Variants in MOSMO observed in about 807,000 individuals in gnomAD.
MOSMO encodes modulator of smoothened protein.
In MOSMO, 5 loss-of-function variants were observed where a neutral mutation model predicts 18.4. That is an observed-to-expected ratio of 0.27 (90% CI 0.14 to 0.57). The LOEUF (loss-of-function observed/expected upper bound fraction) is 0.57, where lower values mean the gene tolerates loss of function less well. Among genes scored for constraint, MOSMO ranks in the 20% least tolerant of loss-of-function variants. The pLI, the probability that MOSMO is intolerant of heterozygous loss-of-function variation, is 0.92. For synonymous variants in MOSMO, 82 were observed against 82.3 expected (o/e 1.00, Z 0.02); for missense variants, 138 against 211.8 (o/e 0.65, Z 2.16).
At chr16:22,025,908 T>C (rs1424209175) in intron 1 of MOSMO, among the ~76,000 whole-genome samples, 1 of 152,206 alleles carries the variant, frequency 6.6e-6, no homozygotes, top group Non-Finnish European at 1.5e-5. Flanking sequence ...CTCTCTCTTA[T>C]TAACACCCTC....
At chr16:22,065,740 G>T (rs1900736614) in intron 1 of MOSMO, among the ~76,000 whole-genome samples, 1 of 152,150 alleles carries the variant, frequency 6.6e-6, no homozygotes. Flanking sequence ...CCTAAATGGT[G>T]GTTGTACTAT....
chr16:22,039,993 A>T (rs1422719572), intron 1 of MOSMO, among the ~76,000 whole-genome samples: 1 of 152,218 alleles, frequency 6.6e-6, no homozygotes, highest in African/African-American at 2.4e-5. Flanking sequence ...CAGCACCCAG[A>T]ATGTGCCTAG....
chr16:22,070,223 C>A (rs1900821947), intron 1 of MOSMO, among the ~76,000 whole-genome samples: 1 of 152,066 alleles, frequency 6.6e-6, no homozygotes, highest in Admixed American at 6.6e-5. Flanking sequence ...ATTAGTGAGA[C>A]CTAATTAGTT....
In MOSMO at chr16:22,081,373, T is replaced by C. The variant is rs1434923522; in HGVS notation, c.*493T>C. The C allele has an allele frequency of 6.6e-6, 1 of 151,936 alleles. No homozygotes were observed. The highest frequency in any genetic ancestry group is 1.5e-5 in the Non-Finnish European group (1 of 68,030). 9.4% of individuals were successfully genotyped at this position (151,936 alleles called of 1,614,324 possible). A position where few individuals can be genotyped will look rare whatever the true frequency, so the allele number is the denominator to read the frequency against. On this transcript the variant is annotated 3_prime_UTR_variant, in exon 3 of 3. Transcript: ENST00000542527. ...ATTAGTGTTCACAACTTCCTTGTAA[T>C]AGTATGAGCCTTTGGCACCAGAATG...
chr16:22,059,752 G>A (rs1682996857), intron 1 of MOSMO, among the ~76,000 whole-genome samples: 1 of 152,084 alleles, frequency 6.6e-6, no homozygotes, highest in Non-Finnish European at 1.5e-5. Flanking sequence ...CCTCTACCTG[G>A]TCTCTCTTTC....
chr16:22,017,551 G>A (rs1899665799), intron 1 of MOSMO, among the ~76,000 whole-genome samples: 1 of 152,060 alleles, frequency 6.6e-6, no homozygotes, highest in South Asian at 2.1e-4. Flanking sequence ...CAGATTGAAA[G>A]TAGCAGTTAT....
At chr16:22,041,706 G>A (rs898730696) in intron 1 of MOSMO, among the ~76,000 whole-genome samples, 10 of 150,862 alleles carry the variant, frequency 6.6e-5, no homozygotes, top group African/African-American at 2.0e-4. Context: ...TTGGAGACAC[G>A]GCCTCACTTT....
chr16:22,067,713 C>A (rs1444469476), intron 1 of MOSMO, among the ~76,000 whole-genome samples: 1 of 151,922 alleles, frequency 6.6e-6, no homozygotes, highest in Non-Finnish European at 1.5e-5. Flanking sequence ...AACATCTCTA[C>A]TAAAAATACA....
At chr16:22,077,888 T>C (rs1901001649) in intron 2 of MOSMO, among the ~76,000 whole-genome samples, 1 of 152,114 alleles carries the variant, frequency 6.6e-6, no homozygotes, top group Non-Finnish European at 1.5e-5. Flanking sequence ...GGGTGACAGT[T>C]CTGAGAGGGA....
At chr16:22,009,132 C>T (rs1349977838) in intron 1 of MOSMO, among the ~76,000 whole-genome samples, 1 of 152,164 alleles carries the variant, frequency 6.6e-6, no homozygotes, top group Non-Finnish European at 1.5e-5. Flanking sequence ...TCGGATTTTC[C>T]CTTTGAAGTG....
chr16:22,053,629 C>A (rs1038239711), intron 1 of MOSMO, among the ~76,000 whole-genome samples: 7 of 152,010 alleles, frequency 4.6e-5, no homozygotes, highest in Non-Finnish European at 1.0e-4. Flanking sequence ...ATGGTGAAAC[C>A]CTTTCTCTAC....
At chr16:22,070,981 C>T (rs1900837916) in intron 1 of MOSMO, among the ~76,000 whole-genome samples, 1 of 152,134 alleles carries the variant, frequency 6.6e-6, no homozygotes, top group Non-Finnish European at 1.5e-5. Flanking sequence ...ACATGAAACT[C>T]CGTAATTTCA....
At position 22,029,123 on chromosome 16, in the gene MOSMO, G is replaced by A. The variant is rs145732830; in HGVS notation, c.106+20716G>A. ...CTGACCTCGTTATCTGCCTGCCTCTGCCTCCCAAAGTGCTGAGATTACAGG... is the reference window on the plus strand; with the variant it reads ...CTGACCTCGTTATCTGCCTGCCTCTACCTCCCAAAGTGCTGAGATTACAGG... On this transcript the variant is annotated intron_variant, in intron 1 of 2. Transcript: ENST00000542527. 5.3e-3 allele frequency among the ~76,000 whole-genome samples: 811 copies of A among 152,230 alleles called. 5 individuals carry two copies. The highest frequency in any genetic ancestry group is 0.048 in the Middle Eastern group (14 of 294).
At chr16:22,017,529 G>A (rs1159960774) in intron 1 of MOSMO, among the ~76,000 whole-genome samples, 5 of 152,020 alleles carry the variant, frequency 3.3e-5, no homozygotes, top group Non-Finnish European at 7.4e-5. Context: ...AACCTGATCC[G>A]ATTGATAACA....
chr16:22,076,978 A>G (rs896766858), intron 2 of MOSMO, among the ~76,000 whole-genome samples: 6 of 152,322 alleles, frequency 3.9e-5, no homozygotes, highest in Non-Finnish European at 8.8e-5. Flanking sequence ...TCCTGAGACA[A>G]TTCTTTTCTG....
At chr16:22,022,326 C>T (rs946626741) in intron 1 of MOSMO, among the ~76,000 whole-genome samples, 1 of 152,084 alleles carries the variant, frequency 6.6e-6, no homozygotes, top group Non-Finnish European at 1.5e-5. Context: ...CAGGCCCTGC[C>T]GGTATCACTT....
intron 2 of MOSMO, 26 bp from the exon 3 acceptor site, chr16:22,080,670 A>G (rs1901061327): frequency 7.9e-7 from 1 of 1,261,444 alleles, no homozygotes; most frequent in African/African-American, 1.8e-5. Context: ...CATGTTACTA[A>G]TGTTGTGTTT....
intron 1 of MOSMO, among the ~76,000 whole-genome samples, chr16:22,016,834 A>G (rs1250380154): frequency 1.3e-5 from 2 of 152,166 alleles, no homozygotes; most frequent in Non-Finnish European, 2.9e-5. Flanking sequence ...TTAGACTCCA[A>G]CTTTGTTCTC....
intron 1 of MOSMO, among the ~76,000 whole-genome samples, chr16:22,051,051 G>C (rs911691646): frequency 3.3e-5 from 5 of 152,024 alleles, no homozygotes; most frequent in Non-Finnish European, 7.4e-5. Flanking sequence ...CTTTCCAAAA[G>C]TATGGTACAA....
Sources: gnomAD v4.1 joint callset for allele counts (sites outside exome capture counted in the v4.1 genomes callset) on GRCh38, gnomAD v4.1.1 for gene constraint, MANE v1.5 for transcripts, NCBI Gene and HGNC (gene_info 2026-07-23, HGNC 2026-07-21) for gene names.